The following RANGAP1 variants were observed in gnomAD, a reference collection of about 807,000 sequenced individuals.
RANGAP1 encodes Ran GTPase activating protein 1.
RANGAP1 carries 38 observed loss-of-function variants against 63.5 expected under a neutral mutation model. That is an observed-to-expected ratio of 0.60 (90% CI 0.46 to 0.78). The LOEUF (loss-of-function observed/expected upper bound fraction) is 0.78. Ranked by LOEUF, RANGAP1 falls within the 30% of genes least tolerant of loss-of-function variation. The probability of loss-of-function intolerance (pLI) is 0.00; values close to 1 mark genes in which losing one functional copy is unlikely to be tolerated. For synonymous variants in RANGAP1, 329 were observed against 310.5 expected (o/e 1.06, Z -0.63); for missense variants, 630 against 740.3 (o/e 0.85, Z 1.73).
intron 1 of RANGAP1, chr22:41,282,197 G>C (rs2035529113): frequency 6.6e-6 from 1 of 152,264 alleles, no homozygotes; most frequent in Admixed American, 6.5e-5. Flanking sequence ...AGCTACTGGA[G>C]AGGCTGAGGC....
chr22:41,249,689 C>CCCA lies in RANGAP1; in HGVS notation c.1572+37_1572+39dup, dbSNP rs772541847. 5 of 1,582,676 alleles carry CCCA rather than the reference C, an allele frequency of 3.2e-6. No homozygotes were observed. The African/African-American group carries it at 6.7e-5, about 21-fold the overall frequency. On this transcript the variant is annotated intron_variant, in intron 14 of 15. Transcript: ENST00000356244. ...TGGGGCAGCTTCTGTGCAGACCCCACCCACCTCCCTCCCGGGCCTGCTGTT... is the reference window on the plus strand; with the variant it reads ...TGGGGCAGCTTCTGTGCAGACCCCACCCACCACCTCCCTCCCGGGCCTGCTGTT...
In RANGAP1 at chr22:41,281,041, C is replaced by G. The variant is rs776983184; in HGVS notation, c.4G>C (p.Ala2Pro). The G allele has an allele frequency of 1.3e-6, 2 of 1,599,316 alleles. No homozygotes were observed. The highest frequency in any genetic ancestry group is 3.4e-5 in the Admixed American group (2 of 58,878). M[A>P]SEDIAKLAET... ...GCCAGCTTGGCAATGTCTTCCGAGG[C>G]CATGTTGACTAGGCTGGTGGGCTCC... Residue 2 changes from alanine to proline, a missense_variant, in exon 2 of 16, where the codon GCC becomes CCC. Around this residue, in one of 3 missense-constraint regions of RANGAP1, gnomAD observed 65 missense variants for 60.5 expected, o/e 1.07. Transcript: ENST00000356244.
intron 2 of RANGAP1, among the ~76,000 whole-genome samples, chr22:41,276,770 G>A (rs540778115): frequency 6.6e-6 from 1 of 151,952 alleles, no homozygotes; most frequent in East Asian, 1.9e-4. Flanking sequence ...GAGGTCAGGA[G>A]TTCAGGAGTT....
intron 12 of RANGAP1, among the ~76,000 whole-genome samples, chr22:41,251,320 T>C (rs993737763): frequency 6.6e-6 from 1 of 152,106 alleles, no homozygotes; most frequent in East Asian, 1.9e-4. Flanking sequence ...AATGAGTGAA[T>C]GAACAAGGAT....
At chr22:41,282,348 C>CTCGCTCAG (rs1261966620) in intron 1 of RANGAP1, 1 of 152,056 alleles carries the variant, frequency 6.6e-6, no homozygotes, top group East Asian at 1.9e-4. Context: ...GAGACGGAGT[C>CTCGCTCAG]TCGCTCAGTC....
At chr22:41,278,665 A>G (rs1356794431) in intron 2 of RANGAP1, among the ~76,000 whole-genome samples, 1 of 152,236 alleles carries the variant, frequency 6.6e-6, no homozygotes, top group Non-Finnish European at 1.5e-5. Context: ...TGGTCAAGTT[A>G]CTTAAAGTCT....
chr22:41,298,912 C>A, the RANGAP1 span, among the ~76,000 whole-genome samples: 1 of 152,270 alleles, frequency 6.6e-6, no homozygotes, highest in East Asian at 1.9e-4. Context: ...AAGTCCACGA[C>A]CAGGGTCCCA....
intron 10 of RANGAP1, 131 bp downstream of exon 10, chr22:41,255,890 G>T: frequency 1.1e-6 from 1 of 880,760 alleles, no homozygotes; most frequent in Non-Finnish European, 1.7e-6. Flanking sequence ...GGAGGTGGAA[G>T]CTGCAGTGAG....
intron 6 of RANGAP1, 129 bp from the exon 7 acceptor site, chr22:41,258,235 G>C: frequency 9.6e-7 from 1 of 1,037,978 alleles, no homozygotes; most frequent in South Asian, 2.1e-5. Flanking sequence ...CCTGTCTGTG[G>C]GATTTTGGGG....
chr22:41,270,554 C>A (rs4820436), intron 3 of RANGAP1, among the ~76,000 whole-genome samples: 45 of 152,278 alleles, frequency 3.0e-4, no homozygotes, highest in Admixed American at 1.3e-3. Flanking sequence ...CTCAAGCCAT[C>A]CTCCCACCTC....
chr22:41,295,089 C>T, the RANGAP1 span, among the ~76,000 whole-genome samples: 1 of 148,446 alleles, frequency 6.7e-6, no homozygotes, highest in East Asian at 2.1e-4. Flanking sequence ...GGGTCAGCCC[C>T]CCGCCCGGCC....
At chr22:41,267,436 G>C (rs1601658019) in intron 4 of RANGAP1, among the ~76,000 whole-genome samples, 1 of 152,144 alleles carries the variant, frequency 6.6e-6, no homozygotes, top group South Asian at 2.1e-4. Context: ...CACCCTCAGG[G>C]CCTGCCGTGT....
chr22:41,277,842 T>C (rs1187316368), intron 2 of RANGAP1, among the ~76,000 whole-genome samples: 1 of 152,168 alleles, frequency 6.6e-6, no homozygotes, highest in Non-Finnish European at 1.5e-5. Flanking sequence ...TTTTCACTTG[T>C]TTTCATAGAG....
upstream of RANGAP1, among the ~76,000 whole-genome samples, chr22:41,290,198 T>C: frequency 6.7e-6 from 1 of 148,488 alleles, no homozygotes; most frequent in African/African-American, 2.5e-5. Context: ...AGAAGACAGG[T>C]CTCTAGGGTC....
chr22:41,270,590 T>C (rs1213857430), intron 3 of RANGAP1, among the ~76,000 whole-genome samples: 2 of 152,196 alleles, frequency 1.3e-5, no homozygotes, highest in South Asian at 2.1e-4. Flanking sequence ...TGGGACTACA[T>C]GTGTGTACCA....
At chr22:41,300,004 A>G in the RANGAP1 span, among the ~76,000 whole-genome samples, 3 of 150,762 alleles carry the variant, frequency 2.0e-5, no homozygotes, top group Non-Finnish European at 3.0e-5. Context: ...GCCCGCCTCA[A>G]CCTCCCAAAG....
chr22:41,263,920 C>T (rs573302174), intron 5 of RANGAP1, among the ~76,000 whole-genome samples: 1 of 152,376 alleles, frequency 6.6e-6, no homozygotes, highest in Admixed American at 6.5e-5. Flanking sequence ...TATGCTGAGT[C>T]ATGTGGAAAA....
chr22:41,273,995 T>C (rs2034994062), intron 3 of RANGAP1, among the ~76,000 whole-genome samples: 1 of 152,088 alleles, frequency 6.6e-6, no homozygotes, highest in Non-Finnish European at 1.5e-5. Flanking sequence ...GGAGAATCGC[T>C]TGAACCCAGG....
intron 11 of RANGAP1, 142 bp downstream of exon 11, chr22:41,254,166 T>C: frequency 2.3e-6 from 2 of 857,226 alleles, no homozygotes; most frequent in Non-Finnish European, 3.6e-6. Context: ...TTTTCCTTTT[T>C]TTACTCAATA....
Sources: allele counts gnomAD v4.1 joint callset (sites outside exome capture counted in the v4.1 genomes callset), GRCh38; gene constraint gnomAD v4.1.1; regional missense constraint gnomAD v4.1.1; transcripts MANE v1.5; gene names NCBI Gene and HGNC (gene_info 2026-07-23, HGNC 2026-07-21).